The following GUCY1A1 variants were observed in gnomAD, a reference collection of about 807,000 sequenced individuals.
GUCY1A1 encodes the protein guanylate cyclase 1 soluble subunit alpha 1.
Under a neutral mutation model 64.5 loss-of-function variants are expected in GUCY1A1, and 48 were observed. The observed-to-expected ratio is 0.74, with a 90% CI of 0.59 to 0.95. The LOEUF (loss-of-function observed/expected upper bound fraction) is 0.95. Ranked by LOEUF, GUCY1A1 falls within the 40% of genes least tolerant of loss-of-function variation. The pLI, the probability that GUCY1A1 is intolerant of heterozygous loss-of-function variation, is 0.00. For missense variants in GUCY1A1, 804 were observed against 825.3 expected, an observed-to-expected ratio of 0.97 and a Z score of 0.32; for synonymous variants, 308 against 303.4, an observed-to-expected ratio of 1.02 and a Z score of -0.16.
intron 3 of GUCY1A1, among the ~76,000 whole-genome samples, chr4:155,703,546 T>G (rs1052781652): frequency 2.0e-5 from 3 of 152,158 alleles, no homozygotes; most frequent in Admixed American, 6.6e-5. Flanking sequence ...CCAGAGGGAT[T>G]TCCTGACTCA....
At chr4:155,678,899 CTAA>C (rs1318826004) in intron 2 of GUCY1A1, among the ~76,000 whole-genome samples, 1 of 152,112 alleles carries the variant, frequency 6.6e-6, no homozygotes, top group Non-Finnish European at 1.5e-5. Flanking sequence ...TGTTTAATAA[CTAA>C]TAATATTGAG....
At chr4:155,715,202 A>G (rs1162152943) in intron 7 of GUCY1A1, among the ~76,000 whole-genome samples, 1 of 151,946 alleles carries the variant, frequency 6.6e-6, no homozygotes, top group Non-Finnish European at 1.5e-5. Context: ...ATTTTGCTTG[A>G]GATTACTTCG....
At chr4:155,683,386 A>G (rs997638762) in intron 2 of GUCY1A1, among the ~76,000 whole-genome samples, 1 of 152,224 alleles carries the variant, frequency 6.6e-6, no homozygotes, top group Non-Finnish European at 1.5e-5. Context: ...AATAATAACA[A>G]TTTAGTTAGC....
chr4:155,706,522 C>CTT (rs755000140), intron 4 of GUCY1A1, among the ~76,000 whole-genome samples: 20 of 145,534 alleles, frequency 1.4e-4, no homozygotes, highest in African/African-American at 4.2e-4. Context: ...CCCCCCTCCT[C>CTT]TTTTTTTTTT....
At chr4:155,729,454 T>C (rs1489635357) in intron 9 of GUCY1A1, among the ~76,000 whole-genome samples, 2 of 151,884 alleles carry the variant, frequency 1.3e-5, no homozygotes, top group Non-Finnish European at 2.9e-5. Context: ...TAACAATTAG[T>C]AAGTAGAGTG....
At chr4:155,700,304 A>T (rs921269462) in intron 3 of GUCY1A1, among the ~76,000 whole-genome samples, 1 of 152,190 alleles carries the variant, frequency 6.6e-6, no homozygotes, top group African/African-American at 2.4e-5. Flanking sequence ...GAAGAGAATC[A>T]CGAGGTCTGT....
chr4:155,683,571 G>A (rs1023009184), intron 2 of GUCY1A1, among the ~76,000 whole-genome samples: 2 of 152,140 alleles, frequency 1.3e-5, no homozygotes, highest in African/African-American at 4.8e-5. Flanking sequence ...ACAAGATAAT[G>A]AGGAAAGTTA....
intron 2 of GUCY1A1, among the ~76,000 whole-genome samples, chr4:155,695,505 G>A (rs955194671): frequency 1.3e-5 from 2 of 152,120 alleles, no homozygotes; most frequent in African/African-American, 4.8e-5. Flanking sequence ...AAAAATCTAA[G>A]TTGATTAACA....
Position 155,730,350 on chromosome 4 carries a change from A to G in GUCY1A1, c.*119A>G. ...AAGCAGTATTAAAATTTCAGGAGCCAAGTCACAATCTTTCTCCTGTTTAAC... is the reference window on the plus strand; with the variant it reads ...AAGCAGTATTAAAATTTCAGGAGCCGAGTCACAATCTTTCTCCTGTTTAAC... On this transcript the variant is annotated 3_prime_UTR_variant, in exon 10 of 10. Transcript: ENST00000506455. The G allele has an allele frequency of 1.7e-6, 1 of 595,166 alleles. No homozygotes were observed. The highest frequency in any genetic ancestry group is 3.0e-6 in the Non-Finnish European group (1 of 335,700). The allele number at this position is 595,166 out of a possible 1,614,324, so 36.9% of individuals were successfully genotyped here.
intron 8 of GUCY1A1, among the ~76,000 whole-genome samples, chr4:155,720,177 A>G (rs1027488598): frequency 1.3e-5 from 2 of 152,166 alleles, no homozygotes; most frequent in Non-Finnish European, 2.9e-5. Context: ...ATTATGAAAC[A>G]AGATAAAAAT....
intron 5 of GUCY1A1, among the ~76,000 whole-genome samples, chr4:155,709,954 C>G (rs1381456133): frequency 6.6e-6 from 1 of 152,176 alleles, no homozygotes; most frequent in Non-Finnish European, 1.5e-5. Context: ...AGGCTTATTT[C>G]TAACCTTATA....
At chr4:155,676,840 G>C (rs1187446590) in intron 2 of GUCY1A1, among the ~76,000 whole-genome samples, 1 of 151,408 alleles carries the variant, frequency 6.6e-6, no homozygotes, top group Non-Finnish European at 1.5e-5. Context: ...TTCTGCTCCT[G>C]CAATGCCTTA....
chr4:155,675,884 T>C (rs1264559200), intron 2 of GUCY1A1, among the ~76,000 whole-genome samples: 2 of 151,582 alleles, frequency 1.3e-5, no homozygotes, highest in Non-Finnish European at 2.9e-5. Context: ...GCTTGCCTGC[T>C]GGCTTGGCTG....
intron 8 of GUCY1A1, among the ~76,000 whole-genome samples, chr4:155,720,042 G>C (rs1351075988): frequency 2.0e-5 from 3 of 152,182 alleles, no homozygotes; most frequent in South Asian, 2.1e-4. Context: ...GTAAGAAAAT[G>C]TTAGGGTTGA....
chr4:155,680,456 GTA>G (rs904228583), intron 2 of GUCY1A1, among the ~76,000 whole-genome samples: 5 of 90,976 alleles, frequency 5.5e-5, no homozygotes, highest in Admixed American at 1.5e-4. Context: ...ACAATTTTAA[GTA>G]TATGTGTGTG....
At chr4:155,674,452 A>G (rs759417734) in intron 2 of GUCY1A1, among the ~76,000 whole-genome samples, 9 of 142,900 alleles carry the variant, frequency 6.3e-5, no homozygotes, top group Non-Finnish European at 1.3e-4. Context: ...GAGTACTTGT[A>G]AAAAAAAAAT....
intron 8 of GUCY1A1, among the ~76,000 whole-genome samples, chr4:155,720,852 G>A (rs71605260): frequency 0.038 from 5,747 of 152,150 alleles, 136 homozygotes; most frequent in Middle Eastern, 0.071. Flanking sequence ...AATTAACATG[G>A]TATCATCATC....
chr4:155,683,101 A>G (rs1056380209), intron 2 of GUCY1A1, among the ~76,000 whole-genome samples: 1 of 152,186 alleles, frequency 6.6e-6, no homozygotes, highest in Non-Finnish European at 1.5e-5. Flanking sequence ...ATTTCACAGC[A>G]AAGTGCAAAA....
At chr4:155,682,341 TA>T (rs1270220120) in intron 2 of GUCY1A1, among the ~76,000 whole-genome samples, 1 of 152,190 alleles carries the variant, frequency 6.6e-6, no homozygotes, top group African/African-American at 2.4e-5. Flanking sequence ...TCTCCCTTTT[TA>T]TTGTAGCCAT....
Sources: gnomAD v4.1 joint callset for allele counts (sites outside exome capture counted in the v4.1 genomes callset) on GRCh38, gnomAD v4.1.1 for gene constraint, MANE v1.5 for transcripts, NCBI Gene and HGNC (gene_info 2026-07-23, HGNC 2026-07-21) for gene names.